The following SOCS7 variants were observed in gnomAD, a reference collection of about 807,000 sequenced individuals.
SOCS7 encodes the protein NAP-4.
In SOCS7, 18 loss-of-function variants were observed where a neutral mutation model predicts 58.9. That is an observed-to-expected ratio of 0.31 (90% CI 0.21 to 0.45). SOCS7 has a LOEUF of 0.45. SOCS7 is among the 20% of genes least tolerant of loss of function. The probability of loss-of-function intolerance (pLI) is 1.00; values close to 1 mark genes in which losing one functional copy is unlikely to be tolerated. For synonymous variants in SOCS7, 388 were observed against 364.3 expected, an observed-to-expected ratio of 1.06 and a Z score of -0.74; for missense variants, 667 against 837.3, an observed-to-expected ratio of 0.80 and a Z score of 2.51.
chr17:38,370,518 T>C (rs1022882613), intron 6 of SOCS7, among the ~76,000 whole-genome samples: 8 of 151,840 alleles, frequency 5.3e-5, no homozygotes, highest in Admixed American at 4.6e-4. Context: ...AAAAAATTTT[T>C]TTAGTAGAGA....
At chr17:38,366,092 C>T (rs1350915274) in intron 4 of SOCS7, 195 bp from the exon 5 acceptor site, 1 of 1,237,664 alleles carries the variant, frequency 8.1e-7, no homozygotes, top group Non-Finnish European at 1.1e-6. Context: ...CCATCCTTCA[C>T]AGCTTACACA....
chr17:38,385,143 G>A (rs1229357965), intron 7 of SOCS7, among the ~76,000 whole-genome samples: 6 of 151,812 alleles, frequency 4.0e-5, no homozygotes, highest in African/African-American at 1.2e-4. Context: ...TGATCCACCC[G>A]CCTCAGCCTC....
rs1567749184 is a variant in SOCS7, at chr17:38,387,127, A to ATATATATG, written c.1682-8181_1682-8180insATATATGT. Among the ~76,000 whole-genome samples the ATATATATG allele has an allele frequency of 5.3e-5, 5 of 93,550 alleles. 1 individual carries two copies. Among genetic ancestry groups the ATATATATG allele is most frequent in the African/African-American group, 2.9e-4 (5 of 17,434 alleles). The allele number at this position is 93,550 out of a possible 152,430, so 61.4% of individuals were successfully genotyped here. A position where few individuals can be genotyped will look rare whatever the true frequency, so the allele number is the denominator to read the frequency against. ...AATATATATATATATATATATATAT[A>ATATATATG]TGTATGTATATATATATATATATAT... On this transcript the variant is annotated intron_variant, in intron 7 of 9. Transcript: ENST00000612932.
intron 7 of SOCS7, among the ~76,000 whole-genome samples, chr17:38,393,087 G>A (rs1445607242): frequency 6.6e-6 from 1 of 152,066 alleles, no homozygotes; most frequent in African/African-American, 2.4e-5. Flanking sequence ...TTGGCTCACT[G>A]TAGCCTCGAG....
intron 7 of SOCS7, among the ~76,000 whole-genome samples, chr17:38,391,557 A>G (rs2038173415): frequency 1.3e-5 from 2 of 151,912 alleles, no homozygotes; most frequent in Non-Finnish European, 2.9e-5. Context: ...TGCCTGGCTA[A>G]TTTTTTTAAT....
chr17:38,379,929 A>G (rs565629827), intron 7 of SOCS7, among the ~76,000 whole-genome samples: 1 of 152,336 alleles, frequency 6.6e-6, no homozygotes, highest in South Asian at 2.1e-4. Flanking sequence ...GTCATAGTCT[A>G]AAAGAAGGGA....
In SOCS7 at chr17:38,389,906, T is replaced by TATATATAGAG. The variant is rs1555571102; in HGVS notation, c.1682-5402_1682-5401insTATATAGAGA. On this transcript the variant is annotated intron_variant, in intron 7 of 9. Transcript: ENST00000612932. ...ATGTACATATATATATATACACATATAGAGAGAGAGAGAGAGAGAGAGTGA... is the reference window on the plus strand; with the variant it reads ...ATGTACATATATATATATACACATATATATATAGAGAGAGAGAGAGAGAGAGAGAGAGTGA... 3.4e-3 allele frequency among the ~76,000 whole-genome samples: 356 copies of TATATATAGAG among 103,436 alleles called. 15 individuals carry two copies. Among genetic ancestry groups the TATATATAGAG allele is most frequent in the African/African-American group, 0.015 (327 of 21,282 alleles). 67.9% of individuals were successfully genotyped at this position (103,436 alleles called of 152,430 possible).
Position 38,364,803 on chromosome 17 carries a change from C to T in SOCS7, c.1097C>T (p.Ser366Phe), listed in dbSNP as rs1330420122. The T allele has an allele frequency of 6.2e-7, 1 of 1,614,114 alleles. No individual in the cohort carries two copies. The highest frequency in any genetic ancestry group is 1.7e-5 in the Admixed American group (1 of 59,998). Residue 366 changes from serine (S) to phenylalanine (F), a missense_variant, in exon 3 of 10, where the codon TCT becomes TTT. Transcript: ENST00000612932. ...GACATTTCTCAGCGGGGCCTGACCTCTCCACACCCTCCAACTCCCCCTCCT... is the reference window on the plus strand; with the variant it reads ...GACATTTCTCAGCGGGGCCTGACCTTTCCACACCCTCCAACTCCCCCTCCT... The part of the protein sequence containing the change: ...DVDISQRGLT[S>F]PHPPTPPPPP...
At position 38,352,822 on chromosome 17, in the gene SOCS7, C is replaced by T; in HGVS notation, c.770C>T (p.Pro257Leu). 8.3e-6 allele frequency: 13 copies of T among 1,562,534 alleles called. No homozygotes were observed. Among genetic ancestry groups the T allele is most frequent in the Non-Finnish European group, 1.1e-5 (13 of 1,153,894 alleles). Reference sequence around the variant, plus strand: ...CAGCAGCAACCTCCCCCGCCCCCGCCTCCTCCCGGGCCCCTCCGGCCACTC... The same window carrying T: ...CAGCAGCAACCTCCCCCGCCCCCGCTTCCTCCCGGGCCCCTCCGGCCACTC... The part of the protein sequence containing the change: ...QQQQQPPPPP[P>L]PPGPLRPLAG... The change falls in exon 1 of 10, where the codon CCT becomes CTT. Residue 257 changes from proline (P) to leucine (L), a missense_variant. By Grantham distance (98) the Pro-to-Leu change is moderately conservative. Transcript: ENST00000612932. This position sits in a 1 kb window ranked among gnomAD's most constrained non-coding sequence, Gnocchi z 5.5.
intron 2 of SOCS7, 39 bp downstream of exon 2, chr17:38,361,814 C>G: frequency 4.1e-6 from 6 of 1,473,306 alleles, no homozygotes; most frequent in Non-Finnish European, 5.6e-6. Flanking sequence ...CATCTGAAAA[C>G]AGGGGCGTTC....
At chr17:38,390,507 C>T (rs1188563308) in intron 7 of SOCS7, among the ~76,000 whole-genome samples, 2 of 152,078 alleles carry the variant, frequency 1.3e-5, no homozygotes, top group Non-Finnish European at 2.9e-5. Context: ...GTCAGTACAT[C>T]AATTTGGGGA....
intron 7 of SOCS7, among the ~76,000 whole-genome samples, chr17:38,389,547 A>G (rs2038122895): frequency 2.0e-5 from 3 of 152,148 alleles, no homozygotes; most frequent in Middle Eastern, 3.4e-3. Context: ...TATCTCAAAA[A>G]ATAAAGTTCT....
rs147651357 is a variant in SOCS7, at chr17:38,388,926, A to G, written c.1682-6383A>G. Among the ~76,000 whole-genome samples, 449 of 152,330 alleles carry G rather than the reference A, an allele frequency of 2.9e-3. 3 individuals carry two copies. The highest frequency in any genetic ancestry group is 0.018 in the South Asian group (87 of 4,832). On this transcript the variant is annotated intron_variant, in intron 7 of 9. Transcript: ENST00000612932. ...TCCAGTTTTTGGCTATTATGAAATAAATAATGCTTCTTTGAACATTCATGT... is the reference window on the plus strand; with the variant it reads ...TCCAGTTTTTGGCTATTATGAAATAGATAATGCTTCTTTGAACATTCATGT...
chr17:38,352,150 A>G lies in SOCS7; in HGVS notation c.98A>G (p.Glu33Gly). 8.6e-7 allele frequency: 1 copy of G among 1,164,460 alleles called. No individual in the cohort carries two copies. The highest frequency in any genetic ancestry group is 1.1e-6 in the Non-Finnish European group (1 of 931,232). The allele number at this position is 1,164,460 out of a possible 1,614,324, so 72.1% of individuals were successfully genotyped here. The change falls in exon 1 of 10, where the codon GAG becomes GGG. Residue 33 changes from glutamate to glycine, a missense_variant. By Grantham distance (98) the Glu-to-Gly change is moderately conservative. Around this residue, in one of 9 missense-constraint regions of SOCS7, gnomAD observed 65 missense variants for 51.0 expected, o/e 1.27. Transcript: ENST00000612932. This position sits in a 1 kb window ranked among gnomAD's most constrained non-coding sequence, Gnocchi z 5.5. ...RLLGYGEAAP[E>G]PGPPPPPPGH... ...CTTGGCTATGGAGAGGCGGCCCCCG[A>G]GCCAGGCCCTCCGCCACCGCCCCCG...
intron 7 of SOCS7, among the ~76,000 whole-genome samples, chr17:38,384,005 C>T (rs1041707444): frequency 2.0e-5 from 3 of 152,138 alleles, no homozygotes; most frequent in Non-Finnish European, 2.9e-5. Flanking sequence ...GTAAGCGGTT[C>T]GTCCTTGTTT....
Position 38,364,710 on chromosome 17 carries a change from G to A in SOCS7, c.1046-42G>A, listed in dbSNP as rs587659321. 23 of 1,544,622 alleles carry A rather than the reference G, an allele frequency of 1.5e-5. No individual in the cohort carries two copies. In the East Asian group the frequency reaches 4.9e-4, roughly 33 times the overall value. On this transcript the variant is annotated intron_variant, in intron 2 of 9. Coordinates refer to ENST00000612932, the MANE Select transcript of SOCS7 (RefSeq NM_014598.4). ...CCTTTGCTTTCTGCATCAGCTTTGG[G>A]CAAGGCGCTTCTGTAACTTGCTTGC...
intron 7 of SOCS7, among the ~76,000 whole-genome samples, chr17:38,385,627 A>C (rs577976223): frequency 2.0e-5 from 3 of 152,018 alleles, no homozygotes; most frequent in African/African-American, 2.4e-5. Context: ...TCATTTTTCC[A>C]TGAATGCTTT....
intron 7 of SOCS7, among the ~76,000 whole-genome samples, chr17:38,386,220 AG>A (rs1036905330): frequency 8.9e-5 from 13 of 146,556 alleles, no homozygotes; most frequent in African/African-American, 3.0e-4. Flanking sequence ...GCTACTTGGG[AG>A]GCTGAGGCAG....
intron 6 of SOCS7, among the ~76,000 whole-genome samples, chr17:38,370,170 G>T (rs1348973846): frequency 6.6e-6 from 1 of 151,932 alleles, no homozygotes; most frequent in East Asian, 1.9e-4. Context: ...GCTAATTTTT[G>T]CATTTTTAGT....
Sources: allele counts gnomAD v4.1 joint callset (sites outside exome capture counted in the v4.1 genomes callset), GRCh38; gene constraint gnomAD v4.1.1; regional missense constraint gnomAD v4.1.1; non-coding constraint Gnocchi (gnomAD v3.1); transcripts MANE v1.5; gene names NCBI Gene and HGNC (gene_info 2026-07-23, HGNC 2026-07-21).